The following SCART1 variants were observed in gnomAD, a reference collection of about 807,000 sequenced individuals.
SCART1 encodes scavenger receptor cysteine-rich domain-containing protein SCART1.
In SCART1, 62 loss-of-function variants were observed where a neutral mutation model predicts 36.2. The observed-to-expected ratio is 1.71, with a 90% CI of 1.40 to 2.12. The LOEUF is 2.12. Ranked by LOEUF, SCART1 falls within the 30% of genes most tolerant of loss-of-function variation. The pLI is 0.00. For synonymous variants in SCART1, 487 were observed against 238.7 expected, an observed-to-expected ratio of 2.04 and a Z score of -9.59; for missense variants, 1,041 against 540.5, an observed-to-expected ratio of 1.93 and a Z score of -9.18.
At chr10:133,455,774 C>G (rs1291467669) in intron 1 of SCART1, among the ~76,000 whole-genome samples, 1 of 151,816 alleles carries the variant, frequency 6.6e-6, no homozygotes, top group Non-Finnish European at 1.5e-5. Context: ...GGGTGGTTTT[C>G]CTGGATACTC....
At chr10:133,459,246 C>T in exon 5 of SCART1, 1 of 687,654 alleles carries the variant, frequency 1.5e-6, no homozygotes, top group Non-Finnish European at 2.7e-6. Flanking sequence ...GGGACAGAGT[C>T]CTACTTGTGG....
downstream of SCART1, among the ~76,000 whole-genome samples, chr10:133,469,692 T>C (rs952543770): frequency 4.6e-5 from 7 of 152,130 alleles, no homozygotes; most frequent in African/African-American, 7.2e-5. Context: ...TGTATACCTA[T>C]GTAACAAACC....
rs913518417 is a variant in SCART1 at position 133,460,083 on chromosome 10, C to G, written c.1882C>G (p.His628Asp). The change falls in exon 6 of 12, where the codon CAC becomes GAC. Residue 628 changes from histidine (H) to aspartate (D), a missense_variant. Transcript: ENST00000640237. Reference sequence around the variant, plus strand: ...GCTGGACGAGCTGGGCTGCCAGGGCCACGAGTCTGCGCTGTGGCAGTGCCC... The same window carrying G: ...GCTGGACGAGCTGGGCTGCCAGGGCGACGAGTCTGCGCTGTGGCAGTGCCC... 2.7e-5 allele frequency: 14 copies of G among 517,668 alleles called. 1 individual carries two copies. The highest frequency in any genetic ancestry group is 2.6e-4 in the African/African-American group (13 of 49,380). The allele number at this position is 517,668 out of a possible 1,614,324, so 32.1% of individuals were successfully genotyped here. A position where few individuals can be genotyped will look rare whatever the true frequency, so the allele number is the denominator to read the frequency against.
At chr10:133,467,173 T>A in intron 10 of SCART1, 25 bp from the exon 11 acceptor site, 1 of 678,026 alleles carries the variant, frequency 1.5e-6, no homozygotes, top group Non-Finnish European at 2.7e-6. Context: ...AGGGCCTGTG[T>A]GTGACCATGC....
chr10:133,469,688 C>T (rs1026798344), downstream of SCART1, among the ~76,000 whole-genome samples: 2 of 152,028 alleles, frequency 1.3e-5, no homozygotes, highest in African/African-American at 4.8e-5. Flanking sequence ...CACGTGTATA[C>T]CTATGTAACA....
chr10:133,454,759 G>A (rs1045859395), intron 1 of SCART1, among the ~76,000 whole-genome samples: 2 of 152,154 alleles, frequency 1.3e-5, no homozygotes, highest in African/African-American at 4.8e-5. Flanking sequence ...GTGACCTGGT[G>A]CTGGACGGAG....
At chr10:133,462,381 T>A (rs1021605162) in intron 6 of SCART1, among the ~76,000 whole-genome samples, 4 of 152,264 alleles carry the variant, frequency 2.6e-5, no homozygotes, top group African/African-American at 9.6e-5. Context: ...AGAAGATTTC[T>A]TTTGATAGAC....
rs1850756273 is a variant in SCART1, at chr10:133,465,571, T to G, written c.2659+6T>G. On this transcript the variant is annotated splice_donor_region_variant and intron_variant, in intron 9 of 11. Coordinates refer to ENST00000640237, the Ensembl canonical transcript of SCART1. The stretch of plus-strand genomic sequence containing the variant: ...CGCGGGCGTGCGCTGCTGGGGTGAG[T>G]GGGGGGCGGTGGGAAGTCGGTCATG... 9.1e-6 allele frequency: 5 copies of G among 549,866 alleles called. No individual in the cohort carries two copies. The highest frequency in any genetic ancestry group is 3.1e-5 in the East Asian group (1 of 32,278). 34.1% of individuals were successfully genotyped at this position (549,866 alleles called of 1,614,324 possible).
chr10:133,465,364 G>A (rs1267930210), exon 9 of SCART1: 2 of 679,194 alleles, frequency 2.9e-6, no homozygotes, highest in African/African-American at 1.8e-5. Context: ...CCTGGCGGAC[G>A]CGGAGGTCGT....
At chr10:133,467,484 T>C (rs1228244516) in intron 11 of SCART1, 131 bp downstream of exon 11, 5 of 597,864 alleles carry the variant, frequency 8.4e-6, no homozygotes, top group East Asian at 2.8e-5. Flanking sequence ...GGCTCATGGA[T>C]GCAAAGGGAC....
At chr10:133,466,098 T>C in intron 9 of SCART1, 137 bp from the exon 10 acceptor site, 1 of 627,182 alleles carries the variant, frequency 1.6e-6, no homozygotes, top group Non-Finnish European at 2.8e-6. Flanking sequence ...AACCAGCAGA[T>C]GCCCCCCCAG....
At chr10:133,457,681 C>T (rs909049180) in intron 3 of SCART1, 106 bp downstream of exon 3, 2 of 589,930 alleles carry the variant, frequency 3.4e-6, no homozygotes, top group Non-Finnish European at 6.0e-6. Flanking sequence ...ATGGGCCCCC[C>T]TGTCCTGCAT....
intron 1 of SCART1, among the ~76,000 whole-genome samples, chr10:133,455,845 C>T (rs12251494): frequency 0.1 from 15,099 of 151,742 alleles, 1,119 homozygotes; most frequent in African/African-American, 0.21. Flanking sequence ...TGGACAGTCA[C>T]GTGGGTGGGG....
intron 11 of SCART1, among the ~76,000 whole-genome samples, 187 bp from the exon 12 acceptor site, chr10:133,467,660 T>TC (rs1159940670): frequency 1.3e-5 from 2 of 152,172 alleles, no homozygotes; most frequent in African/African-American, 2.4e-5. Flanking sequence ...CTCAGTTTCA[T>TC]CACCTGTGGG....
intron 6 of SCART1, chr10:133,464,347 C>CTGCAGTGAACCTGGGCG (rs1259585381): frequency 2.8e-6 from 1 of 358,236 alleles, no homozygotes; most frequent in African/African-American, 2.2e-5. Flanking sequence ...AACCTGGGTG[C>CTGCAGTGAACCTGGGCG]TGCAGTGAAC....
intron 6 of SCART1, among the ~76,000 whole-genome samples, chr10:133,461,341 G>A (rs1301457041): frequency 6.6e-6 from 1 of 152,210 alleles, no homozygotes; most frequent in Non-Finnish European, 1.5e-5. Context: ...AACCCTGGGG[G>A]AGAGGCTGGA....
exon 6 of SCART1, chr10:133,459,627 G>A (rs772886695): frequency 2.9e-6 from 2 of 678,074 alleles, no homozygotes; most frequent in South Asian, 3.1e-5. Flanking sequence ...CCGGCAACTC[G>A]GGTGCAGAGG....
chr10:133,464,948 C>G (rs1850745754), intron 7 of SCART1, 37 bp downstream of exon 7: 1 of 702,738 alleles, frequency 1.4e-6, no homozygotes, highest in South Asian at 1.5e-5. Flanking sequence ...TTAGAGGTCT[C>G]TGGGGGTGCC....
chr10:133,455,738 G>T (rs886995386), intron 1 of SCART1, among the ~76,000 whole-genome samples: 3 of 152,090 alleles, frequency 2.0e-5, no homozygotes, highest in East Asian at 3.9e-4. Context: ...GTGGGGCTGG[G>T]TTTGGCATAG....
Sources: gnomAD v4.1 joint callset for allele counts (sites outside exome capture counted in the v4.1 genomes callset) on GRCh38, gnomAD v4.1.1 for gene constraint, MANE v1.5 for transcripts, NCBI Gene and HGNC (gene_info 2026-07-23, HGNC 2026-07-21) for gene names.